The following ANK1 variants were observed in gnomAD, a reference collection of about 807,000 sequenced individuals.
The protein encoded by ANK1 is ankyrin-1.
A neutral mutation model predicts 210.4 loss-of-function variants in ANK1; 51 were observed. The observed-to-expected ratio is 0.24, with a 90% CI of 0.19 to 0.31. The LOEUF (loss-of-function observed/expected upper bound fraction) is 0.31. Among genes scored for constraint, ANK1 ranks in the 10% least tolerant of loss-of-function variants. The pLI is 1.00. For synonymous variants in ANK1, 967 were observed against 1,025.9 expected (o/e 0.94, Z 1.10); for missense variants, 2,051 against 2,504.4 (o/e 0.82, Z 3.86).
At chr8:41,802,267 G>A (rs191918743), upstream of ANK1, among the ~76,000 whole-genome samples, 164 of 152,334 alleles carry the variant, frequency 1.1e-3, 2 homozygotes, top group East Asian at 0.028. Flanking sequence ...TGAGATTACA[G>A]GCATGAGCCA....
chr8:41,895,546 G>A (rs1417481063), intron 1 of ANK1, among the ~76,000 whole-genome samples: 1 of 152,088 alleles, frequency 6.6e-6, no homozygotes, highest in Non-Finnish European at 1.5e-5. Flanking sequence ...GGTCTTTGCG[G>A]GCCTATTTTG....
At position 41,715,092 on chromosome 8, in the gene ANK1, G is replaced by C. The variant is rs754584845; in HGVS notation, c.1603-18C>G. On this transcript the variant is annotated intron_variant, in intron 14 of 42. Transcript: ENST00000289734. ...AATCCTTTCTGAGGAGAAACAGGCT[G>C]TCAGGACCTTGGGGCCCCAGGGCTG... 1 of 1,613,160 alleles carries C rather than the reference G, an allele frequency of 6.2e-7. No homozygotes were observed.
intron 8 of ANK1, 39 bp downstream of exon 8, chr8:41,723,496 C>T (rs893320841): frequency 1.9e-6 from 3 of 1,595,860 alleles, no homozygotes; most frequent in African/African-American, 2.7e-5. Context: ...GGGGGGACCT[C>T]CCTCCCCCTG....
At chr8:41,875,118 G>A (rs1816307527) in intron 1 of ANK1, among the ~76,000 whole-genome samples, 2 of 152,176 alleles carry the variant, frequency 1.3e-5, no homozygotes, top group Non-Finnish European at 2.9e-5. Context: ...GGATGACCGG[G>A]TTCCCCTCTT....
intron 1 of ANK1, among the ~76,000 whole-genome samples, chr8:41,774,998 T>A (rs990498625): frequency 2.6e-5 from 4 of 152,082 alleles, no homozygotes; most frequent in Admixed American, 2.6e-4. Flanking sequence ...GAGGAGCACA[T>A]ACTGGAGAAA....
chr8:41,714,978 T>C lies in ANK1; in HGVS notation c.1699A>G (p.Lys567Glu). ...GGGAGGGCAGGGTTCAAACTCACTTTTCCGGCAGCATTCGGGTGTGCGTCC... is the reference window on the plus strand; with the variant it reads ...GGGAGGGCAGGGTTCAAACTCACTTCTCCGGCAGCATTCGGGTGTGCGTCC... ...ERDAHPNAAG[K>E]NGLTPLHVAV... Residue 567 changes from lysine to glutamate, a missense_variant and splice_region_variant, in exon 15 of 43, where the codon AAA becomes GAA. Coordinates refer to ENST00000289734, the MANE Select transcript of ANK1 (RefSeq NM_000037.4). 1 of 1,614,128 alleles carries C rather than the reference T, an allele frequency of 6.2e-7. No homozygotes were observed. The highest frequency in any genetic ancestry group is 8.5e-7 in the Non-Finnish European group (1 of 1,179,982).
At chr8:41,853,408 G>A (rs1811621117) in intron 1 of ANK1, among the ~76,000 whole-genome samples, 1 of 152,202 alleles carries the variant, frequency 6.6e-6, no homozygotes, top group Non-Finnish European at 1.5e-5. Flanking sequence ...ACTTAAAAAT[G>A]CTCTGACAAG....
intron 1 of ANK1, among the ~76,000 whole-genome samples, chr8:41,834,447 C>T (rs1807246826): frequency 6.6e-6 from 1 of 152,208 alleles, no homozygotes; most frequent in African/African-American, 2.4e-5. Context: ...TCTTGCAAAC[C>T]CCTGGCTCAT....
At chr8:41,690,105 C>G (rs1034370797) in intron 33 of ANK1, 122 bp downstream of exon 33, 37 of 1,493,454 alleles carry the variant, frequency 2.5e-5, no homozygotes, top group Non-Finnish European at 2.8e-5. Context: ...TTGCATGCCT[C>G]GGGGGACTCT....
chr8:41,743,574 G>T (rs1835318803), intron 2 of ANK1, among the ~76,000 whole-genome samples: 1 of 152,152 alleles, frequency 6.6e-6, no homozygotes, highest in Non-Finnish European at 1.5e-5. Context: ...GCCCTGCAGG[G>T]CATGGGCAGC....
intron 1 of ANK1, among the ~76,000 whole-genome samples, chr8:41,758,755 C>T (rs1326960519): frequency 6.6e-6 from 1 of 152,188 alleles, no homozygotes; most frequent in African/African-American, 2.4e-5. Context: ...TGTCTCCCTG[C>T]TCTGAGGTTT....
intron 1 of ANK1, among the ~76,000 whole-genome samples, chr8:41,807,111 C>G (rs1851083420): frequency 6.6e-6 from 1 of 152,154 alleles, no homozygotes; most frequent in Admixed American, 6.5e-5. Context: ...GTAATATTTA[C>G]CAAGCACCTA....
intron 1 of ANK1, among the ~76,000 whole-genome samples, chr8:41,827,745 T>C (rs1298968314): frequency 7.5e-6 from 1 of 133,264 alleles, no homozygotes; most frequent in Non-Finnish European, 1.6e-5. Flanking sequence ...CACACACGCA[T>C]ACATACACCC....
chr8:41,775,277 C>A (rs1255170289), intron 1 of ANK1, among the ~76,000 whole-genome samples: 3 of 152,334 alleles, frequency 2.0e-5, no homozygotes, highest in East Asian at 1.9e-4. Context: ...CCCTGAGACT[C>A]CTCCTTTATT....
intron 1 of ANK1, among the ~76,000 whole-genome samples, chr8:41,780,205 C>T (rs1844983557): frequency 6.6e-6 from 1 of 152,082 alleles, no homozygotes; most frequent in African/African-American, 2.4e-5. Context: ...GGGTTCACTT[C>T]TTTTAGAATT....
chr8:41,723,546 T>C lies in ANK1; in HGVS notation c.799A>G (p.Thr267Ala), dbSNP rs1330884320. The part of the protein sequence containing the change: ...LLLDRGAQIE[T>A]KTKDELTPLH... ...CTGCTGGCACCCACCTTGGTCTTGG[T>C]TTCTATCTGGGCTCCCCGATCCAGC... Residue 267 changes from threonine to alanine, a missense_variant, in exon 8 of 43, where the codon ACC becomes GCC. Around this residue, in one of 6 missense-constraint regions of ANK1, gnomAD observed 1,413 missense variants for 1,707.4 expected, o/e 0.83. Coordinates refer to ENST00000289734, the MANE Select transcript of ANK1 (RefSeq NM_000037.4). 14 of 1,613,902 alleles carry C rather than the reference T, an allele frequency of 8.7e-6. No individual in the cohort carries two copies. The highest frequency in any genetic ancestry group is 1.2e-5 in the Non-Finnish European group (14 of 1,180,000).
chr8:41,723,348 C>T lies in ANK1; in HGVS notation c.811-125G>A, dbSNP rs929620306. 1.2e-4 allele frequency: 141 copies of T among 1,189,114 alleles called. No homozygotes were observed. In the Admixed American group the frequency reaches 2.3e-3, roughly 20 times the overall value. 73.7% of individuals were successfully genotyped at this position (1,189,114 alleles called of 1,614,324 possible). On this transcript the variant is annotated intron_variant, in intron 8 of 42. Coordinates refer to ENST00000289734, the MANE Select transcript of ANK1 (RefSeq NM_000037.4). ...GCTGACGTTTCCTCAAGCACCAGCTCGACCTCAGCACAGTTTTACTATTGC... is the reference window on the plus strand; with the variant it reads ...GCTGACGTTTCCTCAAGCACCAGCTTGACCTCAGCACAGTTTTACTATTGC...
chr8:41,774,798 A>G (rs1440352937), intron 1 of ANK1, among the ~76,000 whole-genome samples: 2 of 152,230 alleles, frequency 1.3e-5, no homozygotes, highest in South Asian at 2.1e-4. Flanking sequence ...TGCGCAAGGA[A>G]TGGGCTGCAT....
chr8:41,799,229 G>A (rs1029061454), upstream of ANK1, among the ~76,000 whole-genome samples: 1 of 152,162 alleles, frequency 6.6e-6, no homozygotes, highest in South Asian at 2.1e-4. Context: ...TGTAAAAGAA[G>A]CAGGTCACAT....
Sources: gnomAD v4.1 joint callset for allele counts (sites outside exome capture counted in the v4.1 genomes callset) on GRCh38, gnomAD v4.1.1 for gene constraint, gnomAD v4.1.1 regional missense constraint, MANE v1.5 for transcripts, NCBI Gene and HGNC (gene_info 2026-07-23, HGNC 2026-07-21) for gene names.